The following IGFBP7 variants were observed in gnomAD, a reference collection of about 807,000 sequenced individuals.
The protein encoded by IGFBP7 is insulin like growth factor binding protein 7.
IGFBP7 carries 31 observed loss-of-function variants against 29.4 expected under a neutral mutation model. The observed-to-expected ratio is 1.05, with a 90% CI of 0.79 to 1.42. IGFBP7 has a LOEUF of 1.42. IGFBP7 is among the 40% of genes most tolerant of loss of function. The pLI, the probability that IGFBP7 is intolerant of heterozygous loss-of-function variation, is 0.00. For missense variants in IGFBP7, 393 were observed against 395.5 expected (o/e 0.99, Z 0.05); for synonymous variants, 172 against 174.9 (o/e 0.98, Z 0.13).
chr4:57,052,501 T>G (rs983039833), intron 1 of IGFBP7, among the ~76,000 whole-genome samples: 1 of 152,094 alleles, frequency 6.6e-6, no homozygotes, highest in Non-Finnish European at 1.5e-5. Context: ...CTATGTGGGG[T>G]CCTTTGGGTG....
intron 1 of IGFBP7, among the ~76,000 whole-genome samples, chr4:57,088,804 G>A (rs927596743): frequency 9.9e-5 from 15 of 151,948 alleles, no homozygotes; most frequent in Non-Finnish European, 1.3e-4. Context: ...CAAGGCAGGC[G>A]GATCATCTGG....
intron 1 of IGFBP7, among the ~76,000 whole-genome samples, chr4:57,075,362 T>A (rs1463986856): frequency 6.6e-6 from 1 of 152,192 alleles, no homozygotes; most frequent in Non-Finnish European, 1.5e-5. Context: ...AATGTTTCAT[T>A]GTTTCCTTAA....
At chr4:57,071,337 C>T (rs1015883236) in intron 1 of IGFBP7, among the ~76,000 whole-genome samples, 1 of 152,212 alleles carries the variant, frequency 6.6e-6, no homozygotes, top group Admixed American at 6.5e-5. Flanking sequence ...TCAGAGAGGT[C>T]TGCATGCGTT....
chr4:57,071,283 A>G (rs368537641), intron 1 of IGFBP7, among the ~76,000 whole-genome samples: 1 of 152,254 alleles, frequency 6.6e-6, no homozygotes, highest in Non-Finnish European at 1.5e-5. Flanking sequence ...CTAGTCAACC[A>G]TTCAATTCCA....
At chr4:57,035,308 G>A (rs145934049) in intron 2 of IGFBP7, among the ~76,000 whole-genome samples, 2 of 152,208 alleles carry the variant, frequency 1.3e-5, no homozygotes, top group African/African-American at 2.4e-5. Context: ...TTGGCATGGC[G>A]TATTTTAATT....
chr4:57,043,941 G>A (rs973654608), intron 1 of IGFBP7, among the ~76,000 whole-genome samples: 11 of 152,168 alleles, frequency 7.2e-5, no homozygotes, highest in Non-Finnish European at 1.5e-4. Flanking sequence ...AACTGCCTTC[G>A]CCCACCTCTC....
In IGFBP7 at chr4:57,050,080, G is replaced by A. The variant is rs532697120; in HGVS notation, c.476-9147C>T. On this transcript the variant is annotated intron_variant, in intron 1 of 4. Coordinates refer to ENST00000295666, the MANE Select transcript of IGFBP7 (RefSeq NM_001553.3). The stretch of plus-strand genomic sequence containing the variant: ...TCACCAACCAATTAGTATATGACCA[G>A]GAGATGCAAATTAATTTGAATATAC... Among the ~76,000 whole-genome samples the A allele has an allele frequency of 4.6e-5, 7 of 151,700 alleles. No individual in the cohort carries two copies. The South Asian group carries it at 1.5e-3, about 32-fold the overall frequency.
Position 57,074,196 on chromosome 4 carries a change from G to A in IGFBP7, c.476-33263C>T, listed in dbSNP as rs563709216. On this transcript the variant is annotated intron_variant, in intron 1 of 4. Coordinates refer to ENST00000295666, the MANE Select transcript of IGFBP7 (RefSeq NM_001553.3). ...CTGTCTCAGCCTCCCGAGTAGCTGG[G>A]ATTACAGGTTCGTGCCACCACGCCT... is the stretch of plus-strand genomic sequence containing the variant. Among the ~76,000 whole-genome samples the A allele has an allele frequency of 7.2e-5, 11 of 152,262 alleles. No individual in the cohort carries two copies. The South Asian group carries it at 2.3e-3, about 32-fold the overall frequency.
intron 2 of IGFBP7, among the ~76,000 whole-genome samples, chr4:57,040,398 A>C (rs531739789): frequency 6.6e-6 from 1 of 152,316 alleles, no homozygotes; most frequent in East Asian, 1.9e-4. Flanking sequence ...TGCCATCACA[A>C]ACAGCTTGGT....
In IGFBP7 at chr4:57,030,822, T is replaced by C; in HGVS notation, c.*495A>G. On this transcript the variant is annotated 3_prime_UTR_variant, in exon 5 of 5. Coordinates refer to ENST00000295666, the MANE Select transcript of IGFBP7 (RefSeq NM_001553.3). ...TATTCATTATCTACAGTACCAGATCTTTGTCTTTTTCTGGGGTAGAGAAGT... is the reference window on the plus strand; with the variant it reads ...TATTCATTATCTACAGTACCAGATCCTTGTCTTTTTCTGGGGTAGAGAAGT... 1 of 812,292 alleles carries C rather than the reference T, an allele frequency of 1.2e-6. No homozygotes were observed. Among genetic ancestry groups the C allele is most frequent in the South Asian group, 1.4e-5 (1 of 72,522 alleles). The allele number at this position is 812,292 out of a possible 1,614,324, so 50.3% of individuals were successfully genotyped here.
chr4:57,109,413 A>C (rs954253845), intron 1 of IGFBP7, among the ~76,000 whole-genome samples: 1 of 152,126 alleles, frequency 6.6e-6, no homozygotes, highest in African/African-American at 2.4e-5. Flanking sequence ...CCTGGGCGAC[A>C]GAGCAAGATC....
At chr4:57,048,316 T>C (rs921833443) in intron 1 of IGFBP7, among the ~76,000 whole-genome samples, 23 of 152,294 alleles carry the variant, frequency 1.5e-4, no homozygotes, top group African/African-American at 4.3e-4. Context: ...CCCAAAGTAC[T>C]GGGATTACAG....
chr4:57,056,760 C>G (rs1248245106), intron 1 of IGFBP7, among the ~76,000 whole-genome samples: 1 of 152,196 alleles, frequency 6.6e-6, no homozygotes, highest in Non-Finnish European at 1.5e-5. Flanking sequence ...TGCCAATGCA[C>G]GTGGGACATG....
At chr4:57,049,392 ATT>A (rs1371086836) in intron 1 of IGFBP7, among the ~76,000 whole-genome samples, 2 of 149,122 alleles carry the variant, frequency 1.3e-5, no homozygotes, top group African/African-American at 5.0e-5. Context: ...ATTTTTACCA[ATT>A]CACTCTTCTA....
At chr4:57,075,447 C>T (rs1725198082) in intron 1 of IGFBP7, among the ~76,000 whole-genome samples, 1 of 59,198 alleles carries the variant, frequency 1.7e-5, no homozygotes. Flanking sequence ...AATCCTGGCC[C>T]CTGCAGGAGT....
chr4:57,093,883 C>G (rs1292939814), intron 1 of IGFBP7, among the ~76,000 whole-genome samples: 2 of 152,186 alleles, frequency 1.3e-5, no homozygotes, highest in African/African-American at 4.8e-5. Flanking sequence ...CTCATAGAGT[C>G]TGCAAATTAT....
In IGFBP7 at chr4:57,030,805, A is replaced by G. The variant is rs1010626743; in HGVS notation, c.*512T>C. 4 of 731,108 alleles carry G rather than the reference A, an allele frequency of 5.5e-6. No homozygotes were observed. Among genetic ancestry groups the G allele is most frequent in the East Asian group, 5.0e-5 (2 of 39,640 alleles). 45.3% of individuals were successfully genotyped at this position (731,108 alleles called of 1,614,324 possible). ...TCTCAGCTCCACTCATTTATTCATT[A>G]TCTACAGTACCAGATCTTTGTCTTT... On this transcript the variant is annotated 3_prime_UTR_variant, in exon 5 of 5. Coordinates refer to ENST00000295666, the MANE Select transcript of IGFBP7 (RefSeq NM_001553.3).
chr4:57,089,985 C>T (rs543795267), intron 1 of IGFBP7, among the ~76,000 whole-genome samples: 98 of 152,270 alleles, frequency 6.4e-4, no homozygotes, highest in African/African-American at 2.3e-3. Context: ...AGTGAAAGGA[C>T]CCTGGTCCTT....
intron 3 of IGFBP7, among the ~76,000 whole-genome samples, 199 bp downstream of exon 3, chr4:57,032,996 T>G (rs1334264181): frequency 6.6e-6 from 1 of 152,252 alleles, no homozygotes; most frequent in Non-Finnish European, 1.5e-5. Flanking sequence ...ATTCATTGGT[T>G]GTTTTCAAAA....
Sources: gnomAD v4.1 joint callset for allele counts (sites outside exome capture counted in the v4.1 genomes callset) on GRCh38, gnomAD v4.1.1 for gene constraint, MANE v1.5 for transcripts, NCBI Gene and HGNC (gene_info 2026-07-23, HGNC 2026-07-21) for gene names.